Variants in PPM1H observed in about 807,000 individuals in gnomAD.
The protein encoded by PPM1H is protein phosphatase, Mg2+/Mn2+ dependent 1H.
A neutral mutation model predicts 54.9 loss-of-function variants in PPM1H; 27 were observed. That is an observed-to-expected ratio of 0.49 (90% CI 0.36 to 0.68). The LOEUF (loss-of-function observed/expected upper bound fraction) is 0.68, where lower values mean the gene tolerates loss of function less well. PPM1H is among the 30% of genes least tolerant of loss of function. PPM1H has a pLI of 0.00. For synonymous variants in PPM1H, 305 were observed against 270.8 expected, an observed-to-expected ratio of 1.13 and a Z score of -1.24; for missense variants, 596 against 667.8, an observed-to-expected ratio of 0.89 and a Z score of 1.19.
intron 1 of PPM1H, among the ~76,000 whole-genome samples, chr12:62,887,415 A>G (rs529168608): frequency 6.6e-6 from 1 of 152,328 alleles, no homozygotes; most frequent in African/African-American, 2.4e-5. Context: ...ACGGACATGT[A>G]AAACACGTTT....
At chr12:62,767,586 C>T (rs921455526) in intron 4 of PPM1H, among the ~76,000 whole-genome samples, 8 of 152,200 alleles carry the variant, frequency 5.3e-5, no homozygotes, top group Middle Eastern at 3.2e-3. Flanking sequence ...TCAGCATGCA[C>T]TTCCAAAGCC....
At chr12:62,656,095 G>A (rs1330430703) in intron 9 of PPM1H, among the ~76,000 whole-genome samples, 1 of 152,208 alleles carries the variant, frequency 6.6e-6, no homozygotes, top group Admixed American at 6.5e-5. Context: ...AAGTCAGGCG[G>A]AAGGAGGCCA....
At chr12:62,774,757 C>T (rs2076599850) in intron 4 of PPM1H, among the ~76,000 whole-genome samples, 1 of 152,182 alleles carries the variant, frequency 6.6e-6, no homozygotes, top group South Asian at 2.1e-4. Context: ...GCTCAGCAAA[C>T]TGTTCATGGA....
At chr12:62,812,504 G>A (rs1212637115) in intron 2 of PPM1H, among the ~76,000 whole-genome samples, 1 of 151,996 alleles carries the variant, frequency 6.6e-6, no homozygotes, top group Non-Finnish European at 1.5e-5. Context: ...ATAACTTTGA[G>A]GCAGTTTTCC....
intron 6 of PPM1H, among the ~76,000 whole-genome samples, chr12:62,702,397 C>G (rs1411624091): frequency 6.6e-6 from 1 of 152,130 alleles, no homozygotes; most frequent in Non-Finnish European, 1.5e-5. Context: ...TCTTCCTAGT[C>G]TTTGCTGGAT....
chr12:62,653,839 G>A (rs746888475), intron 9 of PPM1H, among the ~76,000 whole-genome samples: 1 of 152,028 alleles, frequency 6.6e-6, no homozygotes, highest in African/African-American at 2.4e-5. Flanking sequence ...GCAGGGGAGG[G>A]CCCTCCCCCA....
intron 6 of PPM1H, among the ~76,000 whole-genome samples, chr12:62,708,506 A>C (rs1193441701): frequency 6.6e-6 from 1 of 152,046 alleles, no homozygotes; most frequent in Non-Finnish European, 1.5e-5. Context: ...GGTAAGAGTG[A>C]ACTAATTGTA....
At chr12:62,816,917 G>C (rs996750176) in intron 2 of PPM1H, among the ~76,000 whole-genome samples, 2 of 151,518 alleles carry the variant, frequency 1.3e-5, no homozygotes, top group Non-Finnish European at 2.9e-5. Flanking sequence ...AAACCATGTT[G>C]TGTTCTCAGC....
rs910511546 is a variant in PPM1H at position 62,648,094 on chromosome 12, T to C, written c.*395A>G. 3 of 161,374 alleles carry C rather than the reference T, an allele frequency of 1.9e-5. No individual in the cohort carries two copies. Among genetic ancestry groups the C allele is most frequent in the Middle Eastern group, 3.1e-3 (1 of 326 alleles). 10.0% of individuals were successfully genotyped at this position (161,374 alleles called of 1,614,324 possible). A position where few individuals can be genotyped will look rare whatever the true frequency, so the allele number is the denominator to read the frequency against. ...CCCCCTACTTTCCAATGCAGCACTT[T>C]TTAACCCGTAGATAAGCTGGCAGCT... is the stretch of plus-strand genomic sequence containing the variant. On this transcript the variant is annotated 3_prime_UTR_variant, in exon 10 of 10. Coordinates refer to ENST00000228705, the MANE Select transcript of PPM1H (RefSeq NM_020700.2).
chr12:62,894,728 G>A (rs993570712), intron 1 of PPM1H, among the ~76,000 whole-genome samples: 5 of 152,188 alleles, frequency 3.3e-5, no homozygotes, highest in Non-Finnish European at 7.3e-5. Flanking sequence ...CTATTTGAAA[G>A]GCTTATTCAT....
At chr12:62,784,278 G>A (rs531602771) in intron 4 of PPM1H, among the ~76,000 whole-genome samples, 4 of 152,242 alleles carry the variant, frequency 2.6e-5, no homozygotes, top group African/African-American at 9.6e-5. Flanking sequence ...ATGGTCCTAT[G>A]TCCTCTGAAT....
intron 1 of PPM1H, among the ~76,000 whole-genome samples, chr12:62,849,829 G>A (rs1004007238): frequency 1.3e-5 from 2 of 152,192 alleles, no homozygotes; most frequent in Non-Finnish European, 2.9e-5. Flanking sequence ...AAACTTGAAA[G>A]AGCATCCATG....
intron 1 of PPM1H, among the ~76,000 whole-genome samples, chr12:62,883,422 T>C (rs558763482): frequency 6.6e-6 from 1 of 152,230 alleles, no homozygotes; most frequent in South Asian, 2.1e-4. Flanking sequence ...CTAGATGCTT[T>C]TGAAGCTTCT....
intron 1 of PPM1H, among the ~76,000 whole-genome samples, chr12:62,856,104 C>T (rs1188559182): frequency 1.3e-5 from 2 of 152,182 alleles, no homozygotes; most frequent in Non-Finnish European, 2.9e-5. Context: ...GCTTCTTCTC[C>T]AGCTGGTTTC....
chr12:62,811,161 T>C (rs922422654), intron 2 of PPM1H, among the ~76,000 whole-genome samples: 8 of 152,198 alleles, frequency 5.3e-5, no homozygotes, highest in African/African-American at 1.9e-4. Flanking sequence ...AGGAGTTCTC[T>C]GTCATGATGA....
At chr12:62,896,064 A>G (rs183959279) in intron 1 of PPM1H, among the ~76,000 whole-genome samples, 100 of 152,352 alleles carry the variant, frequency 6.6e-4, no homozygotes, top group African/African-American at 2.2e-3. Flanking sequence ...TATCAGCTAC[A>G]TTTGGTAACA....
chr12:62,794,436 G>C (rs1355575256), intron 3 of PPM1H, among the ~76,000 whole-genome samples: 1 of 151,940 alleles, frequency 6.6e-6, no homozygotes, highest in Non-Finnish European at 1.5e-5. Flanking sequence ...CTAGCTGCTT[G>C]GTATTTCCAA....
chr12:62,669,418 G>GA (rs1354498178), intron 8 of PPM1H, among the ~76,000 whole-genome samples: 1 of 152,214 alleles, frequency 6.6e-6, no homozygotes. Flanking sequence ...GGGTGGGCTT[G>GA]AGAGCTGTGG....
chr12:62,895,796 C>T (rs1870966899), intron 1 of PPM1H, among the ~76,000 whole-genome samples: 2 of 152,176 alleles, frequency 1.3e-5, no homozygotes, highest in South Asian at 4.1e-4. Context: ...TGCCTTCCAC[C>T]ATGAGTGGAA....
Sources: allele counts gnomAD v4.1 joint callset (sites outside exome capture counted in the v4.1 genomes callset), GRCh38; gene constraint gnomAD v4.1.1; transcripts MANE v1.5; gene names NCBI Gene and HGNC (gene_info 2026-07-23, HGNC 2026-07-21).